The following IL18BP variants were observed in gnomAD, a reference collection of about 807,000 sequenced individuals.
The protein encoded by IL18BP is interleukin-18-binding protein.
A neutral mutation model predicts 19.9 loss-of-function variants in IL18BP; 23 were observed. The ratio of observed to expected loss-of-function variants is 1.15; its 90% CI spans 0.83 to 1.64. The LOEUF is 1.64. Ranked by LOEUF, IL18BP falls within the 40% of genes most tolerant of loss-of-function variation. IL18BP has a pLI of 0.00. For synonymous variants in IL18BP, 107 were observed against 101.0 expected (o/e 1.06, Z -0.35); for missense variants, 239 against 240.7 (o/e 0.99, Z 0.05).
At chr11:72,003,828 T>G (rs1016352792), downstream of IL18BP, 1 of 1,562,376 alleles carries the variant, frequency 6.4e-7, no homozygotes, top group Non-Finnish European at 8.8e-7. Flanking sequence ...GGTGGGGCGG[T>G]CTGGGGGGTG....
chr11:72,005,108 A>G (rs1230805312), downstream of IL18BP: 4 of 1,127,640 alleles, frequency 3.5e-6, no homozygotes, highest in Non-Finnish European at 4.9e-6. Flanking sequence ...GAAACATGAG[A>G]AGGTCACCCT....
chr11:72,005,803 T>C, downstream of IL18BP: 1 of 560,988 alleles, frequency 1.8e-6, no homozygotes, highest in Non-Finnish European at 3.1e-6. Context: ...GTGTCACAAT[T>C]GTGCTGGGAA....
chr11:72,006,727 G>A (rs1049507265), downstream of IL18BP, among the ~76,000 whole-genome samples: 4 of 152,106 alleles, frequency 2.6e-5, no homozygotes, highest in Non-Finnish European at 5.9e-5. Context: ...TGGTAGCAGG[G>A]GGCACCCTAA....
chr11:72,005,852 C>T (rs1955649266), downstream of IL18BP: 5 of 606,526 alleles, frequency 8.2e-6, no homozygotes, highest in East Asian at 8.3e-5. Context: ...GCCCCCAACA[C>T]AGCCAGCCCC....
chr11:72,006,502 C>T (rs995254800), downstream of IL18BP, among the ~76,000 whole-genome samples: 12 of 152,126 alleles, frequency 7.9e-5, no homozygotes, highest in Admixed American at 7.2e-4. Flanking sequence ...ATTCATAATG[C>T]TTTGAGGTAG....
At chr11:72,005,216 G>A (rs778126027), downstream of IL18BP, 2 of 1,574,902 alleles carry the variant, frequency 1.3e-6, no homozygotes, top group South Asian at 2.3e-5. Context: ...GCCCTGCACA[G>A]TGACCCCAGG....
chr11:72,000,434 A>G lies in IL18BP; in HGVS notation c.112A>G (p.Thr38Ala). ...AGCCACACCTGTCTCGCAGACCACC[A>G]CAGCTGCCACTGCCTCAGTTAGAAG... Reference protein sequence around the residue: ...VRATPVSQTTTAATASVRSTK... With the variant: ...VRATPVSQTTAAATASVRSTK... The change falls in exon 3 of 6, where the codon ACA becomes GCA. Residue 38 changes from threonine to alanine, a missense_variant. Transcript: ENST00000393703. 1.2e-6 allele frequency: 2 copies of G among 1,613,984 alleles called. No homozygotes were observed. The highest frequency in any genetic ancestry group is 8.5e-7 in the Non-Finnish European group (1 of 1,179,990).
chr11:72,004,037 G>A (rs1337330457), downstream of IL18BP: 2 of 1,613,754 alleles, frequency 1.2e-6, no homozygotes, highest in African/African-American at 2.7e-5. Flanking sequence ...GCCGCAGAAG[G>A]CTGTTCCCTA....
chr11:72,001,517 G>GAAC lies in IL18BP; in HGVS notation c.472_473insAAC (p.Val158delinsGluLeu). On this transcript the variant is annotated protein_altering_variant, in exon 5 of 6. Coordinates refer to ENST00000393703, the MANE Select transcript of IL18BP (RefSeq NM_001039660.2). ...CTGTGTGCTCGTGGACCCTGAACAG[G>GAAC]TTGTCCAGCGTCACGTCGTCCTGGC... 6.2e-7 allele frequency: 1 copy of GAAC among 1,613,776 alleles called. No homozygotes were observed. The highest frequency in any genetic ancestry group is 8.5e-7 in the Non-Finnish European group (1 of 1,179,834).
chr11:72,001,953 G>T lies in IL18BP; in HGVS notation c.*92G>T. On this transcript the variant is annotated 3_prime_UTR_variant, in exon 6 of 6. Coordinates refer to ENST00000393703, the MANE Select transcript of IL18BP (RefSeq NM_001039660.2). Reference sequence around the variant, plus strand: ...GTGAACAGTCCCTGACTGCCTGTAGGCTGCGTGGATGCGCAACACACCCCC... The same window carrying T: ...GTGAACAGTCCCTGACTGCCTGTAGTCTGCGTGGATGCGCAACACACCCCC... 1.3e-6 allele frequency: 2 copies of T among 1,563,246 alleles called. No individual in the cohort carries two copies. Among genetic ancestry groups the T allele is most frequent in the Non-Finnish European group, 1.7e-6 (2 of 1,149,444 alleles).
chr11:72,005,453 GCCACCTA>G, downstream of IL18BP: 1 of 1,346,376 alleles, frequency 7.4e-7, no homozygotes. Flanking sequence ...AGCCTTTGCT[GCCACCTA>G]CCCCATAAAC....
intron 2 of IL18BP, 66 bp downstream of exon 2, chr11:72,000,078 G>A: frequency 6.4e-7 from 1 of 1,558,006 alleles, no homozygotes; most frequent in Non-Finnish European, 8.8e-7. Flanking sequence ...ATGGAGCAAT[G>A]GGCTAACCCG....
At chr11:72,004,117 C>T (rs369144772), downstream of IL18BP, 6 of 1,612,976 alleles carry the variant, frequency 3.7e-6, no homozygotes, top group Non-Finnish European at 8.5e-7. Context: ...GAAGGGCTGT[C>T]AGACCGGGAG....
downstream of IL18BP, chr11:72,007,282 C>T (rs535897791): frequency 1.9e-6 from 3 of 1,613,322 alleles, no homozygotes; most frequent in African/African-American, 4.0e-5. Context: ...CCAGGGAGTC[C>T]AGGCTGCTCT....
downstream of IL18BP, chr11:72,004,782 T>A: frequency 6.3e-7 from 1 of 1,593,760 alleles, no homozygotes; most frequent in South Asian, 1.1e-5. Context: ...AGTTTTCATC[T>A]CCTCATCTGT....
At chr11:72,006,345 A>G (rs1955697537), downstream of IL18BP, 1 of 1,165,688 alleles carries the variant, frequency 8.6e-7, no homozygotes, top group Middle Eastern at 2.0e-4. Context: ...AAGCCCTCAG[A>G]TCCCACGGCA....
intron 1 of IL18BP, 26 bp downstream of exon 1, chr11:71,999,045 C>A (rs1697970866): frequency 6.7e-6 from 3 of 444,852 alleles, no homozygotes; most frequent in Non-Finnish European, 1.3e-5. Context: ...TACTAGTGAA[C>A]CTAGACCTGT....
chr11:72,003,551 C>G, downstream of IL18BP: 2 of 1,614,170 alleles, frequency 1.2e-6, no homozygotes, highest in South Asian at 2.2e-5. Context: ...GAAAGAGACA[C>G]AGTCACATGG....
rs1023840135 is a variant in IL18BP at position 72,002,056 on chromosome 11, A to G, written c.*195A>G. On this transcript the variant is annotated 3_prime_UTR_variant, in exon 6 of 6. Transcript: ENST00000393703. ...CTACCTAGAAAATCACAGCCTCCTT[A>G]TAATGCCTCCTCCTCCTGCCATTCT... 1 of 728,882 alleles carries G rather than the reference A, an allele frequency of 1.4e-6. No homozygotes were observed. Among genetic ancestry groups the G allele is most frequent in the African/African-American group, 1.8e-5 (1 of 55,950 alleles). 45.2% of individuals were successfully genotyped at this position (728,882 alleles called of 1,614,324 possible). A position where few individuals can be genotyped will look rare whatever the true frequency, so the allele number is the denominator to read the frequency against.
Sources: allele counts gnomAD v4.1 joint callset (sites outside exome capture counted in the v4.1 genomes callset), GRCh38; gene constraint gnomAD v4.1.1; transcripts MANE v1.5; gene names NCBI Gene and HGNC (gene_info 2026-07-23, HGNC 2026-07-21).